Variants in MACC1 observed in about 807,000 individuals in gnomAD.
MACC1 encodes the protein metastasis-associated in colon cancer protein 1.
A neutral mutation model predicts 70.7 loss-of-function variants in MACC1; 79 were observed. The observed-to-expected ratio is 1.12, with a 90% CI of 0.93 to 1.35. The LOEUF is 1.35. Ranked by LOEUF, MACC1 falls within the 40% of genes most tolerant of loss-of-function variation. The pLI, the probability that MACC1 is intolerant of heterozygous loss-of-function variation, is 0.00. For synonymous variants in MACC1, 361 were observed against 347.2 expected, an observed-to-expected ratio of 1.04 and a Z score of -0.44; for missense variants, 1,106 against 978.1, an observed-to-expected ratio of 1.13 and a Z score of -1.74.
At chr7:20,216,027 A>G (rs1394983953) in intron 1 of MACC1, among the ~76,000 whole-genome samples, 1 of 152,172 alleles carries the variant, frequency 6.6e-6, no homozygotes, top group Non-Finnish European at 1.5e-5. Context: ...CCATGAAATC[A>G]TATTAAAAAT....
In MACC1 at chr7:20,138,549, G is replaced by GT. The variant is rs1399555501; in HGVS notation, c.*2396dup. On this transcript the variant is annotated 3_prime_UTR_variant, in exon 7 of 7. Transcript: ENST00000400331. Reference sequence around the variant, plus strand: ...GGACTGTGTTCTGAAAGTAAAAACTGTGCTTTTTTTTCCTTCTCTCATAAT... The same window carrying GT: ...GGACTGTGTTCTGAAAGTAAAAACTGTTGCTTTTTTTTCCTTCTCTCATAAT... 6.6e-6 allele frequency: 1 copy of GT among 151,628 alleles called. No individual in the cohort carries two copies. The highest frequency in any genetic ancestry group is 2.4e-5 in the African/African-American group (1 of 41,180). The allele number at this position is 151,628 out of a possible 1,614,324, so 9.4% of individuals were successfully genotyped here. A position where few individuals can be genotyped will look rare whatever the true frequency, so the allele number is the denominator to read the frequency against.
At chr7:20,198,298 T>G (rs1782784359) in intron 1 of MACC1, among the ~76,000 whole-genome samples, 1 of 152,210 alleles carries the variant, frequency 6.6e-6, no homozygotes, top group Admixed American at 6.5e-5. Context: ...AACTGGTGCC[T>G]AAGTAAAGTC....
chr7:20,144,746 A>C lies in MACC1; in HGVS notation c.2347-3588T>G, dbSNP rs139407045. On this transcript the variant is annotated intron_variant, in intron 6 of 6. Coordinates refer to ENST00000400331, the MANE Select transcript of MACC1 (RefSeq NM_182762.4). Reference sequence around the variant, plus strand: ...AATGAGGAGATGACCTTGAGAGGACAGACAAGGGTTTAGCATCACTTGTGC... The same window carrying C: ...AATGAGGAGATGACCTTGAGAGGACCGACAAGGGTTTAGCATCACTTGTGC... Among the ~76,000 whole-genome samples the C allele has an allele frequency of 7.5e-4, 115 of 152,322 alleles. 2 individuals carry two copies. In the East Asian group the frequency reaches 0.02, roughly 26 times the overall value.
intron 6 of MACC1, among the ~76,000 whole-genome samples, chr7:20,144,522 T>C (rs539004849): frequency 2.6e-5 from 4 of 152,302 alleles, no homozygotes; most frequent in Non-Finnish European, 5.9e-5. Context: ...TTTTAATCTA[T>C]AAAATATGGA....
chr7:20,185,905 T>A (rs889689492), intron 1 of MACC1, among the ~76,000 whole-genome samples: 21 of 152,228 alleles, frequency 1.4e-4, no homozygotes, highest in South Asian at 4.1e-4. Context: ...CCCAACATCA[T>A]CCCGGTAGGA....
rs1583406762 is a variant in MACC1 at position 20,193,825 on chromosome 7, A to G, written c.-217-23047T>C. On this transcript the variant is annotated intron_variant, in intron 1 of 6. Coordinates refer to ENST00000400331, the MANE Select transcript of MACC1 (RefSeq NM_182762.4). ...TCATGAATGGCAAAGTAAAACCCTT[A>G]GGAGCCAGAAAGCAAACAGCTGACA... is the stretch of plus-strand genomic sequence containing the variant. 2.0e-5 allele frequency among the ~76,000 whole-genome samples: 3 copies of G among 147,558 alleles called. No homozygotes were observed. In the South Asian group the frequency reaches 6.4e-4, roughly 32 times the overall value.
intron 1 of MACC1, among the ~76,000 whole-genome samples, chr7:20,192,323 T>C (rs1782685542): frequency 6.6e-6 from 1 of 152,214 alleles, no homozygotes; most frequent in South Asian, 2.1e-4. Context: ...GCTATTCTCA[T>C]TGAAATTGCC....
At chr7:20,178,887 A>C (rs1359987867) in intron 1 of MACC1, among the ~76,000 whole-genome samples, 2 of 152,188 alleles carry the variant, frequency 1.3e-5, no homozygotes. Context: ...GATGTGAGCC[A>C]TCATGCCCAG....
chr7:20,157,145 T>G (rs1205267949), intron 5 of MACC1, among the ~76,000 whole-genome samples: 1 of 152,234 alleles, frequency 6.6e-6, no homozygotes, highest in East Asian at 1.9e-4. Context: ...AAGATGAAGA[T>G]ACTAGCTATA....
At chr7:20,203,626 T>G (rs896252706) in intron 1 of MACC1, among the ~76,000 whole-genome samples, 2 of 152,202 alleles carry the variant, frequency 1.3e-5, no homozygotes, top group Non-Finnish European at 2.9e-5. Flanking sequence ...CCTACCCCTC[T>G]GGATTGGGAT....
At chr7:20,162,305 G>GT (rs1782150557) in intron 3 of MACC1, among the ~76,000 whole-genome samples, 2 of 152,018 alleles carry the variant, frequency 1.3e-5, no homozygotes, top group African/African-American at 4.8e-5. Flanking sequence ...ATGTGTATGT[G>GT]TATTTGTTAC....
intron 5 of MACC1, 56 bp downstream of exon 5, chr7:20,158,148 G>C (rs200919387): frequency 2.7e-6 from 4 of 1,508,756 alleles, no homozygotes; most frequent in Non-Finnish European, 3.5e-6. Context: ...TATAAATATT[G>C]TCAAGTTAAT....
intron 6 of MACC1, among the ~76,000 whole-genome samples, chr7:20,143,981 T>C (rs1335367938): frequency 6.6e-6 from 1 of 152,206 alleles, no homozygotes; most frequent in Non-Finnish European, 1.5e-5. Context: ...ATGAGCATAC[T>C]CTGTATTCCA....
rs574070031 is a variant in MACC1, at chr7:20,182,724, G to A, written c.-217-11946C>T. Among the ~76,000 whole-genome samples, 9 of 152,078 alleles carry A rather than the reference G, an allele frequency of 5.9e-5. No individual in the cohort carries two copies. The South Asian group carries it at 1.5e-3, about 25-fold the overall frequency. On this transcript the variant is annotated intron_variant, in intron 1 of 6. Transcript: ENST00000400331. Reference sequence around the variant, plus strand: ...TAAAACACCCAATACCAACAACCTCGATTTGTCTTCCTCATTCTTTGGTTT... The same window carrying A: ...TAAAACACCCAATACCAACAACCTCAATTTGTCTTCCTCATTCTTTGGTTT...
chr7:20,170,803 A>C lies in MACC1; in HGVS notation c.-217-25T>G, dbSNP rs1691083578. 1 of 152,346 alleles carries C rather than the reference A, an allele frequency of 6.6e-6. No individual in the cohort carries two copies. The highest frequency in any genetic ancestry group is 1.5e-5 in the Non-Finnish European group (1 of 68,020). 9.4% of individuals were successfully genotyped at this position (152,346 alleles called of 1,614,324 possible). On this transcript the variant is annotated intron_variant, in intron 1 of 6. Coordinates refer to ENST00000400331, the MANE Select transcript of MACC1 (RefSeq NM_182762.4). Reference sequence around the variant, plus strand: ...CCTACTTGAAAGAGAATAAACATGAATCTTTGGTCACTGTTAAGTGAAAAC... The same window carrying C: ...CCTACTTGAAAGAGAATAAACATGACTCTTTGGTCACTGTTAAGTGAAAAC...
Position 20,151,663 on chromosome 7 carries a change from G to A in MACC1, c.2346+2530C>T, listed in dbSNP as rs561100973. The stretch of plus-strand genomic sequence containing the variant: ...TCACCTTAGAAAAAATTAAGAAATG[G>A]TTAAGGTGTTCAGAAAATCTGACAA... On this transcript the variant is annotated intron_variant, in intron 6 of 6. Coordinates refer to ENST00000400331, the MANE Select transcript of MACC1 (RefSeq NM_182762.4). Among the ~76,000 whole-genome samples the A allele has an allele frequency of 1.7e-4, 26 of 152,246 alleles. 1 individual carries two copies. In the South Asian group the frequency reaches 5.4e-3, roughly 32 times the overall value.
At chr7:20,207,642 G>GA (rs1161384833) in intron 1 of MACC1, among the ~76,000 whole-genome samples, 1 of 151,852 alleles carries the variant, frequency 6.6e-6, no homozygotes, top group African/African-American at 2.4e-5. Context: ...AATATTAGGG[G>GA]AAAAAATAGG....
At chr7:20,143,592 C>T (rs1045012287) in intron 6 of MACC1, among the ~76,000 whole-genome samples, 4 of 152,000 alleles carry the variant, frequency 2.6e-5, no homozygotes, top group Non-Finnish European at 4.4e-5. Flanking sequence ...GGTTTCACCA[C>T]CTTGGCCAGG....
rs1014910836 is a variant in MACC1 at position 20,158,859 on chromosome 7, G to C, written c.1502C>G (p.Ser501Cys). 2 of 1,614,104 alleles carry C rather than the reference G, an allele frequency of 1.2e-6. No individual in the cohort carries two copies. Among genetic ancestry groups the C allele is most frequent in the Non-Finnish European group, 1.7e-6 (2 of 1,180,016 alleles). The change falls in exon 5 of 7, where the codon TCT becomes TGT. Residue 501 changes from serine (S) to cysteine (C), a missense_variant. Ser to Cys is a moderately radical substitution (Grantham distance 112). Coordinates refer to ENST00000400331, the MANE Select transcript of MACC1 (RefSeq NM_182762.4). ...TGGGGTTGGATCAGGAGTAGTGATA[G>C]AGAACTGTGCAACTGGTTCACCATT... Reference protein sequence around the residue: ...PPNGEPVAQFSITTPDPTPNL... With the variant: ...PPNGEPVAQFCITTPDPTPNL...
Sources: allele counts gnomAD v4.1 joint callset (sites outside exome capture counted in the v4.1 genomes callset), GRCh38; gene constraint gnomAD v4.1.1; transcripts MANE v1.5; gene names NCBI Gene and HGNC (gene_info 2026-07-23, HGNC 2026-07-21).